Variants in DYRK1A observed in about 807,000 individuals in gnomAD.
DYRK1A encodes the protein dual specificity tyrosine phosphorylation regulated kinase 1A, also known as dual specificity tyrosine-phosphorylation-regulated kinase 1A.
In DYRK1A, 9 loss-of-function variants were observed where a neutral mutation model predicts 79.7. The observed-to-expected ratio is 0.11, with a 90% CI of 0.07 to 0.20. The LOEUF (loss-of-function observed/expected upper bound fraction) is 0.20, where lower values mean the gene tolerates loss of function less well. DYRK1A is among the 10% of genes least tolerant of loss of function. DYRK1A has a pLI of 1.00. For missense variants in DYRK1A, 622 were observed against 956.0 expected (o/e 0.65, Z 4.61); for synonymous variants, 349 against 329.7 (o/e 1.06, Z -0.63).
At chr21:37,479,439 T>C (rs1223465127) in intron 4 of DYRK1A, among the ~76,000 whole-genome samples, 1 of 152,054 alleles carries the variant, frequency 6.6e-6, no homozygotes, top group African/African-American at 2.4e-5. Flanking sequence ...TTTTTAAGTG[T>C]CTTAACCACG....
intron 2 of DYRK1A, among the ~76,000 whole-genome samples, chr21:37,431,916 G>A (rs1017064223): frequency 2.0e-5 from 3 of 150,836 alleles, no homozygotes; most frequent in African/African-American, 7.3e-5. Flanking sequence ...ACTTTATGTA[G>A]TTTGTATAGA....
rs1238108672 is a variant in DYRK1A, at chr21:37,517,287, G to A, written c.*4756G>A. 1 of 152,310 alleles carries A rather than the reference G, an allele frequency of 6.6e-6. No individual in the cohort carries two copies. Among genetic ancestry groups the A allele is most frequent in the African/African-American group, 2.4e-5 (1 of 41,448 alleles). 9.4% of individuals were successfully genotyped at this position (152,310 alleles called of 1,614,324 possible). ...GAAACAAGTGGACAAGACAAGTGGA[G>A]CCCAGCTCTGTTCGCATGGGAGGCC... On this transcript the variant is annotated 3_prime_UTR_variant, in exon 12 of 12. Coordinates refer to ENST00000647188, the MANE Select transcript of DYRK1A (RefSeq NM_001347721.2).
intron 2 of DYRK1A, among the ~76,000 whole-genome samples, chr21:37,463,203 C>T (rs1018527472): frequency 1.3e-4 from 19 of 145,252 alleles, no homozygotes; most frequent in African/African-American, 4.1e-4. Context: ...AATGTTGGCA[C>T]GTGTGTGTGT....
intron 3 of DYRK1A, among the ~76,000 whole-genome samples, chr21:37,477,599 GGGGA>G (rs534930491): frequency 1.8e-4 from 27 of 152,202 alleles, no homozygotes; most frequent in Non-Finnish European, 3.2e-4. Context: ...GATCAGGGAA[GGGGA>G]CTGTGAGGGC....
At position 37,525,139 on chromosome 21, in the gene DYRK1A, A is replaced by G. The variant is rs1359470159; in HGVS notation, c.*12608A>G. The G allele has an allele frequency of 6.6e-6, 1 of 152,268 alleles. No individual in the cohort carries two copies. Among genetic ancestry groups the G allele is most frequent in the Admixed American group, 6.5e-5 (1 of 15,282 alleles). 9.4% of individuals were successfully genotyped at this position (152,268 alleles called of 1,614,324 possible). ...AGAAAACGAATTCAGTACACCCTGAAGTGGAATCTGCTAAGATGTGTTATG... is the reference window on the plus strand; with the variant it reads ...AGAAAACGAATTCAGTACACCCTGAGGTGGAATCTGCTAAGATGTGTTATG... On this transcript the variant is annotated 3_prime_UTR_variant, in exon 12 of 12. Transcript: ENST00000647188.
At chr21:37,472,601 A>G in intron 2 of DYRK1A, 83 bp from the exon 3 acceptor site, 1 of 1,225,508 alleles carries the variant, frequency 8.2e-7, no homozygotes, top group East Asian at 2.5e-5. Context: ...TAAAGTTCTT[A>G]TTTAAGGAAC....
intron 1 of DYRK1A, among the ~76,000 whole-genome samples, chr21:37,369,861 A>G (rs1569271905): frequency 6.6e-6 from 1 of 152,262 alleles, no homozygotes; most frequent in Non-Finnish European, 1.5e-5. Flanking sequence ...AACCTATTAG[A>G]AACTTAACAC....
At chr21:37,466,084 T>C (rs2052015724) in intron 2 of DYRK1A, among the ~76,000 whole-genome samples, 2 of 152,210 alleles carry the variant, frequency 1.3e-5, no homozygotes, top group Non-Finnish European at 2.9e-5. Context: ...AGGGTAGTGA[T>C]AACAGCAGTA....
intron 11 of DYRK1A, among the ~76,000 whole-genome samples, chr21:37,506,861 G>A (rs553500431): frequency 6.6e-6 from 1 of 152,146 alleles, no homozygotes; most frequent in East Asian, 1.9e-4. Context: ...TTTGATGGAT[G>A]AGTAAACTGC....
intron 1 of DYRK1A, among the ~76,000 whole-genome samples, chr21:37,404,824 A>G (rs2050118950): frequency 6.6e-6 from 1 of 152,260 alleles, no homozygotes; most frequent in Admixed American, 6.5e-5. Flanking sequence ...ACTGTTTAAT[A>G]GCCGTTAGGC....
chr21:37,484,046 C>G (rs543291196), intron 5 of DYRK1A, among the ~76,000 whole-genome samples: 1 of 152,174 alleles, frequency 6.6e-6, no homozygotes, highest in Non-Finnish European at 1.5e-5. Flanking sequence ...GGTCAGCAAG[C>G]ATTACCGCCT....
chr21:37,433,497 A>G (rs56153338), intron 2 of DYRK1A, among the ~76,000 whole-genome samples: 11,486 of 152,258 alleles, frequency 0.075, 646 homozygotes, highest in Non-Finnish European at 0.11. Flanking sequence ...TATGAATGAA[A>G]TTGGCTTTAA....
intron 2 of DYRK1A, among the ~76,000 whole-genome samples, chr21:37,444,532 T>C (rs527875817): frequency 3.3e-4 from 50 of 152,300 alleles, no homozygotes; most frequent in Admixed American, 8.5e-4. Flanking sequence ...CCATGGACCT[T>C]ACTGTGTGTG....
At chr21:37,449,084 T>A (rs1379812120) in intron 2 of DYRK1A, among the ~76,000 whole-genome samples, 1 of 152,164 alleles carries the variant, frequency 6.6e-6, no homozygotes, top group African/African-American at 2.4e-5. Context: ...AAAAGTCTAC[T>A]CTCTCAAAAA....
At chr21:37,450,614 A>T (rs1028030136) in intron 2 of DYRK1A, among the ~76,000 whole-genome samples, 3 of 152,198 alleles carry the variant, frequency 2.0e-5, no homozygotes, top group Non-Finnish European at 4.4e-5. Context: ...TGATACAGTT[A>T]GGGTGAAGTG....
chr21:37,475,742 T>G (rs187685308), intron 3 of DYRK1A, among the ~76,000 whole-genome samples: 106 of 152,328 alleles, frequency 7.0e-4, no homozygotes, highest in African/African-American at 2.2e-3. Context: ...GTGCAGAAAT[T>G]TGATCATGTA....
chr21:37,449,520 C>G (rs1014726906), intron 2 of DYRK1A, among the ~76,000 whole-genome samples: 1 of 152,162 alleles, frequency 6.6e-6, no homozygotes, highest in Non-Finnish European at 1.5e-5. Context: ...TGGCACACAT[C>G]ACTTCTGTTG....
intron 1 of DYRK1A, among the ~76,000 whole-genome samples, chr21:37,411,314 C>G (rs1269104766): frequency 6.6e-6 from 1 of 152,012 alleles, no homozygotes; most frequent in African/African-American, 2.4e-5. Context: ...TGAGATCACG[C>G]CATTGCACTC....
chr21:37,523,256 G>A lies in DYRK1A; in HGVS notation c.*10725G>A, dbSNP rs551249284. 6.6e-6 allele frequency: 1 copy of A among 152,470 alleles called. No homozygotes were observed. The highest frequency in any genetic ancestry group is 6.6e-5 in the Admixed American group (1 of 15,258). 9.4% of individuals were successfully genotyped at this position (152,470 alleles called of 1,614,324 possible). A position where few individuals can be genotyped will look rare whatever the true frequency, so the allele number is the denominator to read the frequency against. ...AGGTCGCACTTTTTTGCCCATGCTG[G>A]TCTTGAACCCCTGGGCTCAAGCGAT... On this transcript the variant is annotated 3_prime_UTR_variant, in exon 12 of 12. Coordinates refer to ENST00000647188, the MANE Select transcript of DYRK1A (RefSeq NM_001347721.2).
Sources: allele counts gnomAD v4.1 joint callset (sites outside exome capture counted in the v4.1 genomes callset), GRCh38; gene constraint gnomAD v4.1.1; transcripts MANE v1.5; gene names NCBI Gene and HGNC (gene_info 2026-07-23, HGNC 2026-07-21).